The following ABCC8 variants were observed in gnomAD, a reference collection of about 807,000 sequenced individuals.
ABCC8 encodes the protein ATP-binding cassette sub-family C member 8.
ABCC8 carries 137 observed loss-of-function variants against 188.0 expected under a neutral mutation model. The ratio of observed to expected loss-of-function variants is 0.73; its 90% CI spans 0.63 to 0.84. The LOEUF (loss-of-function observed/expected upper bound fraction) is 0.84, where lower values mean the gene tolerates loss of function less well. Ranked by LOEUF, ABCC8 falls within the 40% of genes least tolerant of loss-of-function variation. The probability of loss-of-function intolerance (pLI) is 0.00; values close to 1 mark genes in which losing one functional copy is unlikely to be tolerated. For synonymous variants in ABCC8, 797 were observed against 846.5 expected (o/e 0.94, Z 1.01); for missense variants, 1,750 against 2,072.7 (o/e 0.84, Z 3.02).
chr11:17,444,860 A>G (rs185508241), intron 8 of ABCC8, among the ~76,000 whole-genome samples: 1 of 152,308 alleles, frequency 6.6e-6, no homozygotes, highest in East Asian at 1.9e-4. Context: ...AATGGTGATT[A>G]TAATGCCCAC....
At chr11:17,423,138 C>T (rs1295417264) in intron 16 of ABCC8, among the ~76,000 whole-genome samples, 1 of 151,890 alleles carries the variant, frequency 6.6e-6, no homozygotes, top group African/African-American at 2.4e-5. Context: ...GCGGGCGGAT[C>T]ATGAGGTCAG....
chr11:17,440,046 A>G (rs925741456), intron 10 of ABCC8, among the ~76,000 whole-genome samples: 8 of 152,280 alleles, frequency 5.3e-5, no homozygotes, highest in Middle Eastern at 3.4e-3. Context: ...AGATGAGTAC[A>G]TATCTCTTAG....
At chr11:17,396,223 A>T (rs930335535) in intron 33 of ABCC8, 8 of 549,182 alleles carry the variant, frequency 1.5e-5, no homozygotes, top group Non-Finnish European at 2.5e-5. Flanking sequence ...GCTGGGGGGC[A>T]GTGGTGTGTC....
intron 12 of ABCC8, 148 bp downstream of exon 12, chr11:17,430,666 C>T: frequency 1.0e-6 from 1 of 991,928 alleles, no homozygotes; most frequent in Admixed American, 1.7e-5. Context: ...CAATGTCCCT[C>T]TGACCAACCA....
chr11:17,453,344 A>C, intron 6 of ABCC8, 61 bp from the exon 7 acceptor site: 2 of 1,602,776 alleles, frequency 1.2e-6, no homozygotes, highest in Non-Finnish European at 1.7e-6. Context: ...ACCGTAGAAC[A>C]CATCACTGTG....
In ABCC8 at chr11:17,405,560, A is replaced by C; in HGVS notation, c.3333T>G (p.Phe1111Leu). 6.2e-7 allele frequency: 1 copy of C among 1,614,242 alleles called. No individual in the cohort carries two copies. The highest frequency in any genetic ancestry group is 1.1e-5 in the South Asian group (1 of 91,082). ...TGCTCCCAAGGGGCGTGGTCTCAAAAAACCTAAGAGGCAGCCAGAGGAAGA... is the reference window on the plus strand; with the variant it reads ...TGCTCCCAAGGGGCGTGGTCTCAAACAACCTAAGAGGCAGCCAGAGGAAGA... ...LNRIILAPMR[F>L]FETTPLGSIL... The change falls in exon 27 of 39, where the codon TTT becomes TTG. Residue 1111 changes from phenylalanine (F) to leucine (L), a missense_variant. Phe to Leu is a conservative substitution (Grantham distance 22). Coordinates refer to ENST00000389817, the MANE Select transcript of ABCC8 (RefSeq NM_000352.6).
chr11:17,463,396 C>A (rs774572226), intron 4 of ABCC8, 42 bp downstream of exon 4: 1 of 1,521,192 alleles, frequency 6.6e-7, no homozygotes. Flanking sequence ...GAGGCCAGAG[C>A]CTCTGCTTCC....
At position 17,407,027 on chromosome 11, in the gene ABCC8, C is replaced by T. The variant is rs866408998; in HGVS notation, c.3023G>A (p.Gly1008Asp). The T allele has an allele frequency of 1.2e-6, 2 of 1,614,180 alleles. No individual in the cohort carries two copies. The highest frequency in any genetic ancestry group is 1.1e-5 in the South Asian group (1 of 91,086). Residue 1008 changes from glycine to aspartate, a missense_variant, in exon 25 of 39, where the codon GGC becomes GAC. Physicochemically the swap from Gly to Asp is moderately conservative, Grantham distance 94. Coordinates refer to ENST00000389817, the MANE Select transcript of ABCC8 (RefSeq NM_000352.6). ...RACAKYLSSA[G>D]ILLLSLLVFS... is the part of the protein sequence containing the mutation. ...GACCAGCAACGACAGGAGCAGGATG[C>T]CGGCGGAGGACAGGTACTTGGCGCA... is the stretch of plus-strand genomic sequence containing the variant.
At chr11:17,466,669 TGC>T (rs1848171061) in intron 3 of ABCC8, among the ~76,000 whole-genome samples, 3 of 151,806 alleles carry the variant, frequency 2.0e-5, no homozygotes, top group African/African-American at 7.3e-5. Context: ...CAGGCTGGAG[TGC>T]AGTGGCACAA....
Position 17,393,743 on chromosome 11 carries a change from T to G in ABCC8, c.4562A>C (p.Lys1521Thr). ...IDMATENILQ[K>T]VVMTAFADRT... Reference sequence around the variant, plus strand: ...GTCTGCGAAGGCTGTCATCACCACCTTTTGGAGGATGTTTTCCTGCCAAGT... The same window carrying G: ...GTCTGCGAAGGCTGTCATCACCACCGTTTGGAGGATGTTTTCCTGCCAAGT... Residue 1521 changes from lysine (K) to threonine (T), a missense_variant, in exon 38 of 39, where the codon AAG becomes ACG. Coordinates refer to ENST00000389817, the MANE Select transcript of ABCC8 (RefSeq NM_000352.6). 6.2e-7 allele frequency: 1 copy of G among 1,614,146 alleles called. No individual in the cohort carries two copies. The highest frequency in any genetic ancestry group is 8.5e-7 in the Non-Finnish European group (1 of 1,179,964).
At chr11:17,431,133 C>T in intron 11 of ABCC8, 174 bp from the exon 12 acceptor site, 1 of 1,099,690 alleles carries the variant, frequency 9.1e-7, no homozygotes. Context: ...TGGAAACGTC[C>T]CCAACAAGTT....
intron 2 of ABCC8, among the ~76,000 whole-genome samples, chr11:17,472,787 ACATT>A (rs1275963806): frequency 6.6e-6 from 1 of 152,076 alleles, no homozygotes; most frequent in East Asian, 1.9e-4. Flanking sequence ...CCAGTTTCCC[ACATT>A]CTGGGAATAC....
intron 22 of ABCC8, among the ~76,000 whole-genome samples, chr11:17,409,505 T>A (rs1010709527): frequency 6.6e-6 from 1 of 152,226 alleles, no homozygotes; most frequent in Non-Finnish European, 1.5e-5. Flanking sequence ...TGTATATATA[T>A]TTAAATCTTT....
chr11:17,420,199 C>T (rs77207162), intron 16 of ABCC8, among the ~76,000 whole-genome samples: 110 of 152,298 alleles, frequency 7.2e-4, no homozygotes, highest in Non-Finnish European at 1.2e-3. Flanking sequence ...ACAGGCTTGT[C>T]GCTGTCCTGA....
intron 8 of ABCC8, among the ~76,000 whole-genome samples, chr11:17,444,969 A>G (rs72866890): frequency 0.15 from 22,220 of 152,274 alleles, 1,969 homozygotes; most frequent in Non-Finnish European, 0.2. Flanking sequence ...TTGGAGATCA[A>G]TACAAGATGG....
intron 9 of ABCC8, 144 bp from the exon 10 acceptor site, chr11:17,443,026 C>T (rs1439768858): frequency 6.6e-7 from 1 of 1,524,336 alleles, no homozygotes; most frequent in Non-Finnish European, 9.0e-7. Flanking sequence ...ACTCCATTTC[C>T]CAGACAAAGA....
chr11:17,398,634 C>G (rs1056992971), intron 29 of ABCC8, 193 bp from the exon 30 acceptor site: 1 of 579,878 alleles, frequency 1.7e-6, no homozygotes, highest in African/African-American at 2.0e-5. Context: ...TGTCCAGAAT[C>G]CCCACCTCCT....
chr11:17,462,695 T>C (rs1847898656), intron 4 of ABCC8, among the ~76,000 whole-genome samples: 1 of 152,190 alleles, frequency 6.6e-6, no homozygotes, highest in South Asian at 2.1e-4. Context: ...ATCCATACGA[T>C]GGAATATTAT....
At chr11:17,394,442 T>A in intron 36 of ABCC8, 43 bp from the exon 37 acceptor site, 1 of 1,613,870 alleles carries the variant, frequency 6.2e-7, no homozygotes, top group Non-Finnish European at 8.5e-7. Flanking sequence ...GAGTTAATCT[T>A]GTGCTGTGAG....
Sources: gnomAD v4.1 joint callset for allele counts (sites outside exome capture counted in the v4.1 genomes callset) on GRCh38, gnomAD v4.1.1 for gene constraint, MANE v1.5 for transcripts, NCBI Gene and HGNC (gene_info 2026-07-23, HGNC 2026-07-21) for gene names.